ZNF268: variants seen among roughly 807,000 people sequenced by gnomAD.
ZNF268 encodes the protein zinc finger protein 3.
A neutral mutation model predicts 29.3 loss-of-function variants in ZNF268; 20 were observed. The observed-to-expected ratio is 0.68, with a 90% CI of 0.48 to 0.99. The LOEUF is 0.99. Ranked by LOEUF, ZNF268 falls within the 50% of genes least tolerant of loss-of-function variation. ZNF268 has a pLI of 0.00. For synonymous variants in ZNF268, 429 were observed against 376.9 expected (o/e 1.14, Z -1.60); for missense variants, 1,240 against 1,121.6 (o/e 1.11, Z -1.51).
intron 2 of ZNF268, among the ~76,000 whole-genome samples, chr12:133,183,559 G>C (rs1192651635): frequency 1.3e-5 from 2 of 151,980 alleles, no homozygotes; most frequent in South Asian, 4.1e-4. Flanking sequence ...ATAACTAGTT[G>C]GGTGCAGTGC....
rs977618451 is a variant in ZNF268, at chr12:133,207,326, A to G, written c.*2796A>G. The stretch of plus-strand genomic sequence containing the variant: ...ATAGGTTTAAAAATCCATATTTGTG[A>G]ACATAGGTTTAAAAATCCATATTTG... On this transcript the variant is annotated 3_prime_UTR_variant, in exon 6 of 6. Coordinates refer to ENST00000536435, the MANE Select transcript of ZNF268 (RefSeq NM_003415.3). 3.0e-4 allele frequency: 45 copies of G among 151,894 alleles called. No homozygotes were observed. The highest frequency in any genetic ancestry group is 1.1e-3 in the African/African-American group (45 of 41,334). The allele number at this position is 151,894 out of a possible 1,614,324, so 9.4% of individuals were successfully genotyped here.
chr12:133,205,843 C>T lies in ZNF268; in HGVS notation c.*1313C>T, dbSNP rs772993694. ...GAACCACCATTCAAGATGCCCTGCT[C>T]AGGACTTGGCATGAGCACTATGGTC... On this transcript the variant is annotated 3_prime_UTR_variant, in exon 6 of 6. Transcript: ENST00000536435. 2.4e-4 allele frequency: 36 copies of T among 152,308 alleles called. No homozygotes were observed. Among genetic ancestry groups the T allele is most frequent in the African/African-American group, 8.2e-4 (34 of 41,554 alleles). 9.4% of individuals were successfully genotyped at this position (152,308 alleles called of 1,614,324 possible). A position where few individuals can be genotyped will look rare whatever the true frequency, so the allele number is the denominator to read the frequency against.
chr12:133,196,250 G>T (rs1490816150), intron 5 of ZNF268, among the ~76,000 whole-genome samples: 1 of 149,338 alleles, frequency 6.7e-6, no homozygotes. Flanking sequence ...TGAACCTAGG[G>T]GGCGAAGATT....
intron 5 of ZNF268, among the ~76,000 whole-genome samples, chr12:133,194,766 G>A (rs1369986038): frequency 6.6e-6 from 1 of 152,220 alleles, no homozygotes; most frequent in Admixed American, 6.5e-5. Context: ...AAAAAAATCA[G>A]GTTACTGCCA....
At position 133,191,975 on chromosome 12, in the gene ZNF268, G is replaced by A. The variant is rs370312314; in HGVS notation, c.429G>A (p.Gln143=). Residue 143 remains glutamine, a synonymous_variant, in exon 5 of 6, where the codon CAG becomes CAA. Coordinates refer to ENST00000536435, the MANE Select transcript of ZNF268 (RefSeq NM_003415.3). ...AAGGAGAAGAGCTGTGTATGGTGCA[G>A]GCCCAAGTTCCAAATCAGACCTGTC... The part of the protein sequence containing the change: ...LEQGEELCMV[Q]AQVPNQTCPN... 1.2e-5 allele frequency: 20 copies of A among 1,613,710 alleles called. No homozygotes were observed. In the African/African-American group the frequency reaches 2.4e-4, roughly 19 times the overall value.
At chr12:133,193,348 G>A in intron 5 of ZNF268, 2 of 535,864 alleles carry the variant, frequency 3.7e-6, no homozygotes, top group Non-Finnish European at 6.7e-6. Context: ...GAAGACTTCT[G>A]TCTCAGTCTA....
intron 5 of ZNF268, among the ~76,000 whole-genome samples, chr12:133,201,398 A>G (rs1370744451): frequency 6.6e-6 from 1 of 152,078 alleles, no homozygotes; most frequent in Non-Finnish European, 1.5e-5. Flanking sequence ...GAGCAACTCA[A>G]GAGTAGCTTC....
rs1956921775 is a variant in ZNF268, at chr12:133,207,510, TAAA to T, written c.*2983_*2985del. On this transcript the variant is annotated 3_prime_UTR_variant, in exon 6 of 6. Coordinates refer to ENST00000536435, the MANE Select transcript of ZNF268 (RefSeq NM_003415.3). ...TATTTATAATGGCAGTATGCCCACT[TAAA>T]AAGAGATATATGGGGCCAGGCACGG... 6.6e-6 allele frequency: 1 copy of T among 152,176 alleles called. No individual in the cohort carries two copies. 9.4% of individuals were successfully genotyped at this position (152,176 alleles called of 1,614,324 possible). A position where few individuals can be genotyped will look rare whatever the true frequency, so the allele number is the denominator to read the frequency against.
At chr12:133,192,105 C>CA in intron 5 of ZNF268, 102 bp downstream of exon 5, 25 of 808,906 alleles carry the variant, frequency 3.1e-5, no homozygotes, top group Non-Finnish European at 3.9e-5. Context: ...TATTACCATG[C>CA]ACTTTTTTTT....
At chr12:133,198,813 C>T (rs1364203478) in intron 5 of ZNF268, among the ~76,000 whole-genome samples, 4 of 148,820 alleles carry the variant, frequency 2.7e-5, no homozygotes, top group Non-Finnish European at 5.9e-5. Flanking sequence ...AATGGGAGTT[C>T]ACTCATGATT....
In ZNF268 at chr12:133,202,547, C is replaced by G. The variant is rs758079509; in HGVS notation, c.861C>G (p.Ser287Arg). 23 of 1,611,064 alleles carry G rather than the reference C, an allele frequency of 1.4e-5. No homozygotes were observed. The Admixed American group carries it at 1.7e-4, about 12-fold the overall frequency. Residue 287 changes from serine (S) to arginine (R), a missense_variant, in exon 6 of 6, where the codon AGC becomes AGG. Ser to Arg is a moderately radical substitution (Grantham distance 110). This residue lies in a region of ZNF268 where 1,177 missense variants were observed against 1,039.6 expected (regional missense o/e 1.13). Coordinates refer to ENST00000536435, the MANE Select transcript of ZNF268 (RefSeq NM_003415.3). ...GCTGTTGTGAGAAAGCCTTCAGCAGCAAGTCATACCTTCTAGTGCATCAGC... is the reference window on the plus strand; with the variant it reads ...GCTGTTGTGAGAAAGCCTTCAGCAGGAAGTCATACCTTCTAGTGCATCAGC... ...GCSCCEKAFS[S>R]KSYLLVHQQT...
chr12:133,202,675 A>G lies in ZNF268; in HGVS notation c.989A>G (p.Lys330Arg). 6.2e-7 allele frequency: 1 copy of G among 1,608,564 alleles called. No individual in the cohort carries two copies. The highest frequency in any genetic ancestry group is 1.1e-5 in the South Asian group (1 of 90,426). Residue 330 changes from lysine (K) to arginine (R), a missense_variant, in exon 6 of 6, where the codon AAA (lysine) becomes AGA (arginine). Around this residue, in one of 3 missense-constraint regions of ZNF268, gnomAD observed 1,177 missense variants for 1,039.6 expected, o/e 1.13. Transcript: ENST00000536435. ...IVHQRIHTGE[K>R]LHECSECRKT... The stretch of plus-strand genomic sequence containing the variant: ...CATCAGAGAATTCATACAGGAGAGA[A>G]ACTACATGAATGCAGTGAATGCAGG...
rs781614037 is a variant in ZNF268, at chr12:133,203,205, A to T, written c.1519A>T (p.Lys507Ter). 3.3e-6 allele frequency: 5 copies of T among 1,537,894 alleles called. No individual in the cohort carries two copies. In the African/African-American group the frequency reaches 6.8e-5, roughly 21 times the overall value. Residue 507 changes from lysine to a stop codon, truncating the protein, a stop_gained, in exon 6 of 6, where the codon AAA becomes TAA. Transcript: ENST00000536435. LOFTEE classifies it low-confidence loss of function (END_TRUNC). ...ACCTTATGTATGCAATGAATGTGGC[A>T]AAGCCTTCAGGAGCAAGTCATACCT... ...MKPYVCNECG[K>*]AFRSKSYLII... is the part of the protein sequence containing the mutation.
chr12:133,213,162 T>G lies in ZNF268; in HGVS notation c.*8632T>G, dbSNP rs2135539720. ...GAACCACTGCACTTGGCCTCCATATTTTTTATAATAGCCACTCTAACATGT... is the reference window on the plus strand; with the variant it reads ...GAACCACTGCACTTGGCCTCCATATGTTTTATAATAGCCACTCTAACATGT... On this transcript the variant is annotated 3_prime_UTR_variant, in exon 6 of 6. Coordinates refer to ENST00000536435, the MANE Select transcript of ZNF268 (RefSeq NM_003415.3). 1 of 152,206 alleles carries G rather than the reference T, an allele frequency of 6.6e-6. No homozygotes were observed. Among genetic ancestry groups the G allele is most frequent in the Middle Eastern group, 3.4e-3 (1 of 294 alleles). 9.4% of individuals were successfully genotyped at this position (152,206 alleles called of 1,614,324 possible).
Position 133,205,144 on chromosome 12 carries a change from T to TTA in ZNF268, c.*614_*615insTA, listed in dbSNP as rs1401046352. The TTA allele has an allele frequency of 1.4e-4, 6 of 42,306 alleles. No individual in the cohort carries two copies. Among genetic ancestry groups the TTA allele is most frequent in the Non-Finnish European group, 9.0e-5 (2 of 22,218 alleles). 2.6% of individuals were successfully genotyped at this position (42,306 alleles called of 1,614,324 possible). A position where few individuals can be genotyped will look rare whatever the true frequency, so the allele number is the denominator to read the frequency against. On this transcript the variant is annotated 3_prime_UTR_variant, in exon 6 of 6. Coordinates refer to ENST00000536435, the MANE Select transcript of ZNF268 (RefSeq NM_003415.3). ...TAACCTCACCTTAGAAGCTTCATTCTAAAAAAAAAAAAAAAAAAAAAAAAA... is the reference window on the plus strand; with the variant it reads ...TAACCTCACCTTAGAAGCTTCATTCTTAAAAAAAAAAAAAAAAAAAAAAAAAA...
rs900453453 is a variant in ZNF268 at position 133,204,187 on chromosome 12, A to G, written c.2501A>G (p.Asn834Ser). 28 of 1,540,686 alleles carry G rather than the reference A, an allele frequency of 1.8e-5. No individual in the cohort carries two copies. The highest frequency in any genetic ancestry group is 2.2e-5 in the Non-Finnish European group (25 of 1,147,224). ...IVHERTHAGV[N>S]PYKCSQCEKS... is the part of the protein sequence containing the mutation. Reference sequence around the variant, plus strand: ...CATGAGCGAACTCATGCAGGGGTCAACCCTTATAAATGCAGTCAATGTGAG... The same window carrying G: ...CATGAGCGAACTCATGCAGGGGTCAGCCCTTATAAATGCAGTCAATGTGAG... Residue 834 changes from asparagine (N) to serine (S), a missense_variant, in exon 6 of 6, where the codon AAC becomes AGC. Physicochemically the swap from Asn to Ser is conservative, Grantham distance 46 (BLOSUM62 1). Transcript: ENST00000536435.
chr12:133,182,931 T>G (rs2135479310), intron 2 of ZNF268, among the ~76,000 whole-genome samples: 1 of 152,306 alleles, frequency 6.6e-6, no homozygotes, highest in African/African-American at 2.4e-5. Flanking sequence ...TTCAGACTGG[T>G]ACCAGTCTGT....
chr12:133,188,233 G>A (rs61960669), intron 3 of ZNF268, 161 bp downstream of exon 3: 161,387 of 644,898 alleles, frequency 0.25, 20,946 homozygotes, highest in African/African-American at 0.32. Context: ...GTCTTGGTCT[G>A]TTGCCCAGAG....
At chr12:133,199,904 C>A (rs1035747285) in intron 5 of ZNF268, among the ~76,000 whole-genome samples, 1 of 151,844 alleles carries the variant, frequency 6.6e-6, no homozygotes, top group South Asian at 2.1e-4. Flanking sequence ...TTTTTTATTG[C>A]GTCTATTTTA....
Sources: gnomAD v4.1 joint callset for allele counts (sites outside exome capture counted in the v4.1 genomes callset) on GRCh38, gnomAD v4.1.1 for gene constraint, gnomAD v4.1.1 regional missense constraint, MANE v1.5 for transcripts, NCBI Gene and HGNC (gene_info 2026-07-23, HGNC 2026-07-21) for gene names.